CCDC91: variants seen among roughly 807,000 people sequenced by gnomAD.
The protein encoded by CCDC91 is coiled-coil domain containing 91.
A neutral mutation model predicts 63.2 loss-of-function variants in CCDC91; 48 were observed. That is an observed-to-expected ratio of 0.76 (90% CI 0.60 to 0.97). The LOEUF (loss-of-function observed/expected upper bound fraction) is 0.97, where lower values mean the gene tolerates loss of function less well. Among genes scored for constraint, CCDC91 ranks in the 50% least tolerant of loss-of-function variants. CCDC91 has a pLI of 0.00. For missense variants in CCDC91, 500 were observed against 494.6 expected (o/e 1.01, Z -0.10); for synonymous variants, 167 against 165.8 (o/e 1.01, Z -0.06).
rs74841913 is a variant in CCDC91 at position 28,509,433 on chromosome 12, T to C, written c.1215+25268T>C. Among the ~76,000 whole-genome samples the C allele has an allele frequency of 7.5e-3, 1,144 of 151,954 alleles. 18 individuals carry two copies. Among genetic ancestry groups the C allele is most frequent in the African/African-American group, 0.027 (1,110 of 41,510 alleles). On this transcript the variant is annotated intron_variant, in intron 12 of 12. Transcript: ENST00000536442. ...GGTGGTAGTAGTGGAATTGCATGTG[T>C]CATCATGAAAGACTGAGTATTATTT...
chr12:28,446,906 AG>A (rs1203843739), intron 8 of CCDC91, among the ~76,000 whole-genome samples: 1 of 152,260 alleles, frequency 6.6e-6, no homozygotes, highest in Non-Finnish European at 1.5e-5. Context: ...CTGGACAAAA[AG>A]AGCAAGGATT....
chr12:28,257,348 C>A, intron 2 of CCDC91, 103 bp downstream of exon 2: 1 of 691,752 alleles, frequency 1.4e-6, no homozygotes, highest in Non-Finnish European at 2.5e-6. Context: ...CATGATATTT[C>A]CTTGATCATT....
chr12:28,491,089 G>A (rs887088348), intron 12 of CCDC91, among the ~76,000 whole-genome samples: 3 of 151,138 alleles, frequency 2.0e-5, no homozygotes, highest in East Asian at 1.9e-4. Context: ...CAGTTAATGC[G>A]GTATTTTTCA....
intron 3 of CCDC91, chr12:28,302,570 A>G: frequency 1.2e-6 from 1 of 842,666 alleles, no homozygotes; most frequent in Non-Finnish European, 1.4e-6. Flanking sequence ...TTTTACCTAG[A>G]CAGTAATATT....
At chr12:28,413,163 CTTGAGAACTA>C (rs1947425790) in intron 8 of CCDC91, among the ~76,000 whole-genome samples, 2 of 151,960 alleles carry the variant, frequency 1.3e-5, no homozygotes, top group African/African-American at 4.9e-5. Context: ...AGAACCACCT[CTTGAGAACTA>C]CTCATTCCCT....
chr12:28,369,980 A>G (rs978476114), intron 7 of CCDC91, among the ~76,000 whole-genome samples: 2 of 152,148 alleles, frequency 1.3e-5, no homozygotes, highest in South Asian at 2.1e-4. Flanking sequence ...CTAGGCCTCT[A>G]CGGGCTATGG....
chr12:28,289,149 T>A (rs1271463884), intron 3 of CCDC91, among the ~76,000 whole-genome samples: 1 of 152,054 alleles, frequency 6.6e-6, no homozygotes, highest in Non-Finnish European at 1.5e-5. Context: ...TTCGTTGATC[T>A]TTTGAATTTT....
At chr12:28,452,051 A>G (rs1949828442) in intron 10 of CCDC91, among the ~76,000 whole-genome samples, 1 of 151,530 alleles carries the variant, frequency 6.6e-6, no homozygotes, top group African/African-American at 2.4e-5. Flanking sequence ...GTTTTTCATA[A>G]AATATATTAT....
At chr12:28,463,033 C>A (rs139891560) in intron 11 of CCDC91, among the ~76,000 whole-genome samples, 31 of 152,242 alleles carry the variant, frequency 2.0e-4, no homozygotes, top group African/African-American at 6.7e-4. Context: ...ATATACATGA[C>A]ATGAGTATTT....
At chr12:28,444,118 C>A (rs1444960722) in intron 8 of CCDC91, among the ~76,000 whole-genome samples, 1 of 152,074 alleles carries the variant, frequency 6.6e-6, no homozygotes, top group East Asian at 1.9e-4. Flanking sequence ...ACTTAATGTG[C>A]CCCTGATGGA....
At chr12:28,235,050 T>C (rs1008956381) in intron 1 of CCDC91, among the ~76,000 whole-genome samples, 1 of 152,186 alleles carries the variant, frequency 6.6e-6, no homozygotes, top group African/African-American at 2.4e-5. Context: ...TCCACATGGC[T>C]AGTTTGGGCT....
intron 3 of CCDC91, among the ~76,000 whole-genome samples, chr12:28,283,123 A>G (rs1948704796): frequency 1.3e-5 from 2 of 151,122 alleles, no homozygotes; most frequent in African/African-American, 4.9e-5. Flanking sequence ...CTTGTAGTAT[A>G]ATTTGAAGTC....
At position 28,549,266 on chromosome 12, in the gene CCDC91, T is replaced by C; in HGVS notation, c.*93T>C. 3 of 714,938 alleles carry C rather than the reference T, an allele frequency of 4.2e-6. No homozygotes were observed. Among genetic ancestry groups the C allele is most frequent in the East Asian group, 2.6e-5 (1 of 37,900 alleles). The allele number at this position is 714,938 out of a possible 1,614,324, so 44.3% of individuals were successfully genotyped here. On this transcript the variant is annotated 3_prime_UTR_variant, in exon 13 of 13. Coordinates refer to ENST00000536442, the MANE Select transcript of CCDC91 (RefSeq NM_018318.5). ...ATTATAAAGATGTGTTTGTTTTCTTTCCAAATCATGTAGAATTGATTTCCA... is the reference window on the plus strand; with the variant it reads ...ATTATAAAGATGTGTTTGTTTTCTTCCCAAATCATGTAGAATTGATTTCCA...
chr12:28,273,578 C>G (rs1947949403), intron 3 of CCDC91, among the ~76,000 whole-genome samples: 1 of 152,246 alleles, frequency 6.6e-6, no homozygotes, highest in South Asian at 2.1e-4. Flanking sequence ...ATTTGCATTT[C>G]TCTGATGGCC....
intron 12 of CCDC91, among the ~76,000 whole-genome samples, chr12:28,497,141 G>A (rs538605278): frequency 3.0e-4 from 46 of 151,250 alleles, no homozygotes; most frequent in African/African-American, 1.1e-3. Flanking sequence ...TCATCTAGAT[G>A]AGATTTCCAT....
intron 11 of CCDC91, among the ~76,000 whole-genome samples, chr12:28,482,972 A>G (rs1040161289): frequency 2.0e-5 from 3 of 151,980 alleles, no homozygotes; most frequent in Non-Finnish European, 2.9e-5. Context: ...TGTCCAAGAT[A>G]TAAGTAAAAA....
chr12:28,382,999 CAG>C (rs1429266519), intron 7 of CCDC91, among the ~76,000 whole-genome samples: 1 of 152,064 alleles, frequency 6.6e-6, no homozygotes, highest in Non-Finnish European at 1.5e-5. Context: ...GGCAGACATG[CAG>C]AGTCTCTGTG....
intron 3 of CCDC91, among the ~76,000 whole-genome samples, chr12:28,281,393 A>G (rs1358963876): frequency 6.6e-6 from 1 of 152,188 alleles, no homozygotes. Context: ...ACTGCAGTCC[A>G]CACACAGAAT....
intron 3 of CCDC91, among the ~76,000 whole-genome samples, chr12:28,294,884 C>T (rs1407098438): frequency 1.3e-5 from 2 of 152,130 alleles, no homozygotes; most frequent in Non-Finnish European, 2.9e-5. Flanking sequence ...TACGCTTGAC[C>T]TAAACCTGCT....
Sources: gnomAD v4.1 joint callset for allele counts (sites outside exome capture counted in the v4.1 genomes callset) on GRCh38, gnomAD v4.1.1 for gene constraint, MANE v1.5 for transcripts, NCBI Gene and HGNC (gene_info 2026-07-23, HGNC 2026-07-21) for gene names.